Variants in SIPA1L3 observed in about 807,000 individuals in gnomAD.
The protein encoded by SIPA1L3 is signal-induced proliferation-associated 1-like protein 3.
In SIPA1L3, 59 loss-of-function variants were observed where a neutral mutation model predicts 150.1. That is an observed-to-expected ratio of 0.39 (90% CI 0.32 to 0.49). The LOEUF is 0.49. SIPA1L3 is among the 20% of genes least tolerant of loss of function. The probability of loss-of-function intolerance (pLI) is 0.86; values close to 1 mark genes in which losing one functional copy is unlikely to be tolerated. For missense variants in SIPA1L3, 2,211 were observed against 2,489.5 expected (o/e 0.89, Z 2.38); for synonymous variants, 1,070 against 1,077.6 (o/e 0.99, Z 0.14).
At chr19:38,181,101 G>C (rs541487436) in intron 15 of SIPA1L3, among the ~76,000 whole-genome samples, 2 of 152,136 alleles carry the variant, frequency 1.3e-5, no homozygotes, top group African/African-American at 2.4e-5. Context: ...GGGAAGAGGT[G>C]GGGGGAGGAC....
intron 18 of SIPA1L3, among the ~76,000 whole-genome samples, chr19:38,195,245 A>T (rs968018683): frequency 4.6e-5 from 7 of 152,064 alleles, no homozygotes; most frequent in African/African-American, 1.4e-4. Flanking sequence ...CTCTTCCCTC[A>T]GTCCTCTTCT....
At chr19:38,148,046 ATAAT>A (rs140251869) in intron 12 of SIPA1L3, among the ~76,000 whole-genome samples, 27,338 of 150,696 alleles carry the variant, frequency 0.18, 2,842 homozygotes, top group African/African-American at 0.29. Context: ...CTGTCCCAAA[ATAAT>A]TAATTAATTA....
chr19:38,137,997 G>A (rs1971474399), intron 10 of SIPA1L3, among the ~76,000 whole-genome samples: 1 of 152,068 alleles, frequency 6.6e-6, no homozygotes, highest in African/African-American at 2.4e-5. Flanking sequence ...CAGGCATGGT[G>A]GCAGGCACCT....
intron 4 of SIPA1L3, among the ~76,000 whole-genome samples, chr19:38,096,993 C>G (rs1194050913): frequency 6.6e-6 from 1 of 152,214 alleles, no homozygotes; most frequent in East Asian, 1.9e-4. Context: ...CAGCCTCTCG[C>G]AACAGCATAG....
chr19:38,076,672 A>G (rs1969845241), intron 2 of SIPA1L3, among the ~76,000 whole-genome samples: 1 of 152,240 alleles, frequency 6.6e-6, no homozygotes, highest in South Asian at 2.1e-4. Flanking sequence ...AAGTTGTCCC[A>G]AGAAGCAGAG....
intron 1 of SIPA1L3, among the ~76,000 whole-genome samples, chr19:37,974,258 C>T (rs1343895999): frequency 1.3e-5 from 2 of 152,238 alleles, no homozygotes; most frequent in African/African-American, 4.8e-5. Context: ...TGATGGCTTG[C>T]ACCTGTAATC....
intron 2 of SIPA1L3, among the ~76,000 whole-genome samples, chr19:38,063,271 C>T (rs941503422): frequency 6.6e-6 from 1 of 152,140 alleles, no homozygotes; most frequent in East Asian, 1.9e-4. Context: ...CCGCCCCCGC[C>T]GGCCCCCAGC....
intron 12 of SIPA1L3, among the ~76,000 whole-genome samples, chr19:38,143,215 C>T (rs1184102544): frequency 6.6e-6 from 1 of 152,146 alleles, no homozygotes; most frequent in Non-Finnish European, 1.5e-5. Flanking sequence ...GCATTCAAGG[C>T]CCTTCAGGCT....
chr19:37,959,148 T>A (rs1057192247), intron 1 of SIPA1L3, among the ~76,000 whole-genome samples: 1 of 152,202 alleles, frequency 6.6e-6, no homozygotes. Flanking sequence ...TACATAGAGT[T>A]ACCATATGAT....
chr19:38,202,421 C>T (rs1973107943), intron 20 of SIPA1L3, among the ~76,000 whole-genome samples: 2 of 151,998 alleles, frequency 1.3e-5, no homozygotes, highest in African/African-American at 4.8e-5. Flanking sequence ...AACCCCATCT[C>T]TACTAAAAAT....
Position 38,082,086 on chromosome 19 carries a change from T to A in SIPA1L3, c.521T>A (p.Ile174Asn), listed in dbSNP as rs761653012. The change falls in exon 3 of 22, where the codon ATC (isoleucine) becomes AAC (asparagine). Residue 174 changes from isoleucine (I) to asparagine (N), a missense_variant. This residue lies in a region of SIPA1L3 where 587 missense variants were observed against 534.5 expected (regional missense o/e 1.10). Transcript: ENST00000222345. ...LPLRHRSSSE[I>N]TLSECDAEDA... ...CTTCGGCACCGCAGCAGCAGCGAGA[T>A]CACCCTCAGCGAGTGTGACGCGGAG... 2 of 1,611,508 alleles carry A rather than the reference T, an allele frequency of 1.2e-6. No individual in the cohort carries two copies.
At chr19:38,056,493 A>C in intron 2 of SIPA1L3, among the ~76,000 whole-genome samples, 1 of 150,652 alleles carries the variant, frequency 6.6e-6, no homozygotes, top group Non-Finnish European at 1.5e-5. Context: ...TTGGCCACCC[A>C]CTCTCCAGCA....
chr19:38,198,957 C>T (rs1024700455), intron 19 of SIPA1L3, among the ~76,000 whole-genome samples: 1 of 152,180 alleles, frequency 6.6e-6, no homozygotes, highest in Non-Finnish European at 1.5e-5. Flanking sequence ...CAGTGCAAGA[C>T]CCCGTGTCTG....
chr19:38,183,820 G>GGGGCCA (rs1415848013), intron 16 of SIPA1L3, among the ~76,000 whole-genome samples: 3 of 152,188 alleles, frequency 2.0e-5, no homozygotes, highest in Non-Finnish European at 4.4e-5. Context: ...GTGCGGAGGC[G>GGGGCCA]GGGCCAGGGC....
chr19:38,168,180 A>T (rs887661564), intron 15 of SIPA1L3, among the ~76,000 whole-genome samples: 9 of 152,114 alleles, frequency 5.9e-5, no homozygotes, highest in Non-Finnish European at 1.3e-4. Flanking sequence ...TGAGGTCAGG[A>T]GTTCGAGACC....
intron 2 of SIPA1L3, among the ~76,000 whole-genome samples, chr19:38,075,872 G>A (rs190582144): frequency 1.3e-5 from 2 of 152,056 alleles, no homozygotes; most frequent in Admixed American, 6.5e-5. Context: ...GGCCGGGCAC[G>A]GTGGCTCACG....
intron 2 of SIPA1L3, among the ~76,000 whole-genome samples, chr19:38,044,028 C>A (rs1160174793): frequency 6.6e-6 from 1 of 152,094 alleles, no homozygotes; most frequent in East Asian, 1.9e-4. Flanking sequence ...GGGGTGAGCC[C>A]ATTTATATCT....
At chr19:38,123,308 C>T (rs1403711253) in intron 9 of SIPA1L3, among the ~76,000 whole-genome samples, 1 of 145,416 alleles carries the variant, frequency 6.9e-6, no homozygotes, top group Non-Finnish European at 1.5e-5. Context: ...GGGTGTTTCT[C>T]ACAGAGGGGG....
At chr19:38,129,191 C>A (rs996118036) in intron 9 of SIPA1L3, among the ~76,000 whole-genome samples, 3 of 152,126 alleles carry the variant, frequency 2.0e-5, no homozygotes, top group African/African-American at 7.2e-5. Flanking sequence ...GTCCTCAGAT[C>A]TTATGGTAAC....
Sources: gnomAD v4.1 joint callset for allele counts (sites outside exome capture counted in the v4.1 genomes callset) on GRCh38, gnomAD v4.1.1 for gene constraint, gnomAD v4.1.1 regional missense constraint, MANE v1.5 for transcripts, NCBI Gene and HGNC (gene_info 2026-07-23, HGNC 2026-07-21) for gene names.